EFEMP1: variants seen among roughly 807,000 people sequenced by gnomAD.
EFEMP1 encodes the protein EGF-like fibulin extracellular matrix protein 1, also known as EGF-containing fibulin-like extracellular matrix protein 1.
In EFEMP1, 18 loss-of-function variants were observed where a neutral mutation model predicts 65.7. The observed-to-expected ratio is 0.27, with a 90% CI of 0.19 to 0.41. EFEMP1 has a LOEUF of 0.41. Among genes scored for constraint, EFEMP1 ranks in the 10% least tolerant of loss-of-function variants. The pLI, the probability that EFEMP1 is intolerant of heterozygous loss-of-function variation, is 1.00. For synonymous variants in EFEMP1, 237 were observed against 219.7 expected, an observed-to-expected ratio of 1.08 and a Z score of -0.70; for missense variants, 469 against 624.8, an observed-to-expected ratio of 0.75 and a Z score of 2.66.
intron 5 of EFEMP1, among the ~76,000 whole-genome samples, chr2:55,907,567 A>G (rs1033391987): frequency 2.0e-5 from 3 of 152,252 alleles, no homozygotes; most frequent in African/African-American, 4.8e-5. Context: ...GTTTTCAGAA[A>G]ATAGTAAAAA....
intron 5 of EFEMP1, among the ~76,000 whole-genome samples, chr2:55,890,976 G>C (rs187581946): frequency 7.2e-5 from 11 of 152,038 alleles, no homozygotes; most frequent in African/African-American, 2.6e-4. Context: ...TTTTAGGTTT[G>C]GGGGTACATG....
Position 55,917,801 on chromosome 2 carries a change from G to A in EFEMP1, c.381C>T (p.Gly127=), listed in dbSNP as rs540635668. 1 of 1,614,220 alleles carries A rather than the reference G, an allele frequency of 6.2e-7. No homozygotes were observed. Among genetic ancestry groups the A allele is most frequent in the East Asian group, 2.2e-5 (1 of 44,886 alleles). The change falls in exon 5 of 12, where the codon GGC becomes GGT. Residue 127 remains glycine (G), a synonymous_variant. Coordinates refer to ENST00000355426, the MANE Select transcript of EFEMP1 (RefSeq NM_001039348.3). The surrounding 1 kb of genome is among the most constrained non-coding windows in gnomAD (Gnocchi z 6.3). ...TATTTCGGCCAGTCTGCATTTCAGG[G>A]CCTGCGACTGCAGCAGCACTGGCCA... is the stretch of plus-strand genomic sequence containing the variant. ...GFVASAAAVA[G]PEMQTGRNNF... is the part of the protein sequence containing the mutation.
At position 55,867,373 on chromosome 2, in the gene EFEMP1, T is replaced by A; in HGVS notation, c.1321-139A>T. Reference sequence around the variant, plus strand: ...AAAAGAGCCACTACTTGGTCCCTTCTTGGTTTCAACTCTTCTTGGCTCTTA... The same window carrying A: ...AAAAGAGCCACTACTTGGTCCCTTCATGGTTTCAACTCTTCTTGGCTCTTA... On this transcript the variant is annotated intron_variant, in intron 11 of 11. Coordinates refer to ENST00000355426, the MANE Select transcript of EFEMP1 (RefSeq NM_001039348.3). The surrounding 1 kb of genome is among the most constrained non-coding windows in gnomAD (Gnocchi z 4.3). The A allele has an allele frequency of 1.1e-6, 1 of 911,404 alleles. No individual in the cohort carries two copies. Among genetic ancestry groups the A allele is most frequent in the Non-Finnish European group, 1.6e-6 (1 of 607,888 alleles). The allele number at this position is 911,404 out of a possible 1,614,324, so 56.5% of individuals were successfully genotyped here. A position where few individuals can be genotyped will look rare whatever the true frequency, so the allele number is the denominator to read the frequency against.
At chr2:55,891,517 AAT>A (rs767952601) in intron 5 of EFEMP1, among the ~76,000 whole-genome samples, 77 of 152,122 alleles carry the variant, frequency 5.1e-4, no homozygotes, top group Non-Finnish European at 9.6e-4. Flanking sequence ...AACAACATTG[AAT>A]ATCTATACTT....
At chr2:55,895,589 T>G (rs1472916921) in intron 5 of EFEMP1, among the ~76,000 whole-genome samples, 1 of 150,564 alleles carries the variant, frequency 6.6e-6, no homozygotes, top group Admixed American at 6.6e-5. Flanking sequence ...TCGCCCAGGC[T>G]GGAGTGCAGT....
intron 11 of EFEMP1, among the ~76,000 whole-genome samples, chr2:55,868,603 C>A (rs954154408): frequency 4.0e-4 from 61 of 152,224 alleles, no homozygotes; most frequent in African/African-American, 1.4e-3. Flanking sequence ...TTTCAAGAAT[C>A]AGGCTGACTC....
At chr2:55,915,342 A>G (rs552610252) in intron 5 of EFEMP1, among the ~76,000 whole-genome samples, 8 of 152,364 alleles carry the variant, frequency 5.3e-5, no homozygotes, top group African/African-American at 1.7e-4. Context: ...TAGTCTGCTT[A>G]TAACTAAAAA....
At chr2:55,882,892 G>T (rs540567152) in intron 5 of EFEMP1, among the ~76,000 whole-genome samples, 2 of 152,222 alleles carry the variant, frequency 1.3e-5, no homozygotes, top group Admixed American at 6.5e-5. Context: ...AGTAGGGAAA[G>T]AATCAATAAT....
chr2:55,888,611 A>G (rs1410060311), intron 5 of EFEMP1, among the ~76,000 whole-genome samples: 2 of 152,160 alleles, frequency 1.3e-5, no homozygotes, highest in African/African-American at 4.8e-5. Flanking sequence ...TGCTGGGATT[A>G]CAGGCCTTCT....
At chr2:55,875,994 C>T (rs532554466) in intron 8 of EFEMP1, among the ~76,000 whole-genome samples, 15 of 151,830 alleles carry the variant, frequency 9.9e-5, no homozygotes, top group Non-Finnish European at 2.1e-4. Context: ...GTGTCTGTGG[C>T]ATCCCCCTCA....
Position 55,870,972 on chromosome 2 carries a change from C to T in EFEMP1, c.1124+28G>A, listed in dbSNP as rs374684475. 1 of 1,613,580 alleles carries T rather than the reference C, an allele frequency of 6.2e-7. No individual in the cohort carries two copies. The highest frequency in any genetic ancestry group is 2.2e-5 in the East Asian group (1 of 44,880). On this transcript the variant is annotated intron_variant, in intron 10 of 11. Transcript: ENST00000355426. This position sits in a 1 kb window ranked among gnomAD's most constrained non-coding sequence, Gnocchi z 5.8. ...TGGCTTGGTAAGACCAGAAAATCCT[C>T]ACTTTCAAAAGTTCTGATTTTTCTT...
chr2:55,897,200 C>G (rs545039694), intron 5 of EFEMP1, among the ~76,000 whole-genome samples: 1 of 152,146 alleles, frequency 6.6e-6, no homozygotes, highest in Non-Finnish European at 1.5e-5. Context: ...TCTTTGTATT[C>G]TCAGCACCCA....
At chr2:55,896,773 T>C (rs1012336897) in intron 5 of EFEMP1, among the ~76,000 whole-genome samples, 5 of 152,220 alleles carry the variant, frequency 3.3e-5, no homozygotes, top group African/African-American at 1.2e-4. Flanking sequence ...TGGATTTGCA[T>C]ACACAAGTTT....
chr2:55,872,311 C>T (rs1668841063), intron 9 of EFEMP1, among the ~76,000 whole-genome samples: 1 of 151,976 alleles, frequency 6.6e-6, no homozygotes, highest in African/African-American at 2.4e-5. Flanking sequence ...ATTCTCATAC[C>T]CGGTGTTCTT....
chr2:55,899,581 C>G (rs536998403), intron 5 of EFEMP1, among the ~76,000 whole-genome samples: 1 of 152,282 alleles, frequency 6.6e-6, no homozygotes, highest in Non-Finnish European at 1.5e-5. Context: ...TTAAATTATC[C>G]TTTAATGCGT....
intron 6 of EFEMP1, among the ~76,000 whole-genome samples, chr2:55,880,688 G>A (rs562372685): frequency 1.3e-5 from 2 of 152,314 alleles, no homozygotes; most frequent in South Asian, 4.2e-4. Flanking sequence ...CTTTTTCACT[G>A]ATCTGTGGTA....
In EFEMP1 at chr2:55,870,617, T is replaced by C; in HGVS notation, c.1320+103A>G. 2 of 1,425,698 alleles carry C rather than the reference T, an allele frequency of 1.4e-6. No individual in the cohort carries two copies. Among genetic ancestry groups the C allele is most frequent in the Non-Finnish European group, 2.0e-6 (2 of 1,020,000 alleles). The allele number at this position is 1,425,698 out of a possible 1,614,324, so 88.3% of individuals were successfully genotyped here. A position where few individuals can be genotyped will look rare whatever the true frequency, so the allele number is the denominator to read the frequency against. On this transcript the variant is annotated intron_variant, in intron 11 of 11. Transcript: ENST00000355426. This position sits in a 1 kb window ranked among gnomAD's most constrained non-coding sequence, Gnocchi z 5.8. ...CTACACATAAGACACTTTAAATGTT[T>C]GCTTTCCTTCCACATGTGGATACCA...
rs1668571691 is a variant in EFEMP1 at position 55,866,262 on chromosome 2, C to T, written c.*811G>A. The stretch of plus-strand genomic sequence containing the variant: ...TGAAATACCTTTTATCCATTTTGTT[C>T]TGCATCTTGTGGAAGTCCTGAATTC... On this transcript the variant is annotated 3_prime_UTR_variant, in exon 12 of 12. Transcript: ENST00000355426. 1 of 152,126 alleles carries T rather than the reference C, an allele frequency of 6.6e-6. No homozygotes were observed. Among genetic ancestry groups the T allele is most frequent in the African/African-American group, 2.4e-5 (1 of 41,444 alleles). 9.4% of individuals were successfully genotyped at this position (152,126 alleles called of 1,614,324 possible).
intron 5 of EFEMP1, among the ~76,000 whole-genome samples, chr2:55,907,258 T>C (rs76839355): frequency 0.015 from 2,235 of 152,330 alleles, 44 homozygotes; most frequent in African/African-American, 0.049. Flanking sequence ...TTTGTACATA[T>C]GCATGTGTAT....
Sources: gnomAD v4.1 joint callset for allele counts (sites outside exome capture counted in the v4.1 genomes callset) on GRCh38, gnomAD v4.1.1 for gene constraint, Gnocchi (gnomAD v3.1) non-coding constraint, MANE v1.5 for transcripts, NCBI Gene and HGNC (gene_info 2026-07-23, HGNC 2026-07-21) for gene names.